The following C4orf50 variants were observed in gnomAD, a reference collection of about 807,000 sequenced individuals.
C4orf50 encodes the protein chromosome 4 open reading frame 50.
A neutral mutation model predicts 77.2 loss-of-function variants in C4orf50; 80 were observed. The observed-to-expected ratio is 1.04, with a 90% CI of 0.87 to 1.25. The LOEUF (loss-of-function observed/expected upper bound fraction) is 1.25. Among genes scored for constraint, C4orf50 ranks in the 50% most tolerant of loss-of-function variants. C4orf50 has a pLI of 0.00. For missense variants in C4orf50, 1,257 were observed against 1,152.9 expected, an observed-to-expected ratio of 1.09 and a Z score of -1.31; for synonymous variants, 532 against 465.3, an observed-to-expected ratio of 1.14 and a Z score of -1.84.
Position 6,018,252 on chromosome 4 carries a change from G to A in C4orf50, c.180C>T (p.Arg60=). ...TGAGCGCACCCATATCCATGTCTGG[G>A]CGGCCAGCTGCTTCTTCCTGAAGAC... The change falls in exon 23 of 34, where the codon CGC becomes CGT. Residue 60 remains arginine, a synonymous_variant. Coordinates refer to ENST00000531445, the Ensembl canonical transcript of C4orf50. This position sits in a 1 kb window ranked among gnomAD's most constrained non-coding sequence, Gnocchi z 5.1. 1 of 399,020 alleles carries A rather than the reference G, an allele frequency of 2.5e-6. No individual in the cohort carries two copies. Among genetic ancestry groups the A allele is most frequent in the Non-Finnish European group, 4.4e-6 (1 of 226,096 alleles). The allele number at this position is 399,020 out of a possible 1,614,324, so 24.7% of individuals were successfully genotyped here.
chr4:6,016,476 G>A (rs1258597110), intron 23 of C4orf50, among the ~76,000 whole-genome samples: 1 of 152,212 alleles, frequency 6.6e-6, no homozygotes, highest in African/African-American at 2.4e-5. Context: ...TTAAACCCAG[G>A]AGGTGGGGTT....
At chr4:5,952,410 G>C (rs1399324217), downstream of C4orf50, among the ~76,000 whole-genome samples, 2 of 152,232 alleles carry the variant, frequency 1.3e-5, no homozygotes, top group Non-Finnish European at 2.9e-5. The surrounding 1 kb of genome is among the most constrained non-coding windows in gnomAD (Gnocchi z 4.4). Context: ...AGGGCTGGCA[G>C]TGGGGACGGC....
exon 28 of C4orf50, chr4:5,988,658 G>T: frequency 6.5e-7 from 1 of 1,536,052 alleles, no homozygotes; most frequent in Non-Finnish European, 8.7e-7. Flanking sequence ...TCTTTGTCTA[G>T]AGCGTGCATC....
At chr4:5,923,367 G>C (rs541073068) in intron 7 of C4orf50, 1 of 154,394 alleles carries the variant, frequency 6.5e-6, no homozygotes, top group African/African-American at 2.4e-5. Flanking sequence ...TGGACCAAGC[G>C]CAGAGCCCAC....
chr4:5,907,107 T>G (rs1427588991), intron 7 of C4orf50, among the ~76,000 whole-genome samples: 1 of 152,192 alleles, frequency 6.6e-6, no homozygotes, highest in Non-Finnish European at 1.5e-5. Context: ...ACTGCTGCAG[T>G]CAGTGATGCT....
At chr4:6,004,229 ATGG>A (rs1722081578) in intron 25 of C4orf50, among the ~76,000 whole-genome samples, 6 of 27,086 alleles carry the variant, frequency 2.2e-4, no homozygotes, top group Admixed American at 4.1e-4. Context: ...TGATGATGTG[ATGG>A]TGATGATGAT....
At chr4:5,940,886 A>G (rs7664218) in intron 7 of C4orf50, among the ~76,000 whole-genome samples, 35,957 of 152,082 alleles carry the variant, frequency 0.24, 5,420 homozygotes, top group African/African-American at 0.43. Context: ...TTGGAGCAGA[A>G]ATGAGCATTC....
At chr4:5,989,282 C>G (rs1433616626) in exon 28 of C4orf50, 1 of 1,536,072 alleles carries the variant, frequency 6.5e-7, no homozygotes, top group Admixed American at 2.0e-5. Flanking sequence ...CTGCTCCTCA[C>G]TCTCTCGAGG....
At chr4:5,967,496 A>T in intron 31 of C4orf50, 34 bp from the exon 10 acceptor site, 1 of 1,595,846 alleles carries the variant, frequency 6.3e-7, no homozygotes, top group Non-Finnish European at 8.6e-7. Context: ...GTTATTCTGC[A>T]TGGCACTGGA....
Position 5,970,407 on chromosome 4 carries a change from G to A in C4orf50, c.4105-2945C>T, listed in dbSNP as rs1040323730. Among the ~76,000 whole-genome samples the A allele has an allele frequency of 3.9e-5, 6 of 152,170 alleles. No individual in the cohort carries two copies. The highest frequency in any genetic ancestry group is 9.7e-5 in the African/African-American group (4 of 41,436). Reference sequence around the variant, plus strand: ...TCTGCCATGCCAGGCTGACCTCGTGGGATTTCCCCATCCCCAAAACAGGCA... The same window carrying A: ...TCTGCCATGCCAGGCTGACCTCGTGAGATTTCCCCATCCCCAAAACAGGCA... On this transcript the variant is annotated intron_variant, in intron 31 of 33. Transcript: ENST00000531445. The surrounding 1 kb of genome is among the most constrained non-coding windows in gnomAD (Gnocchi z 4.3).
At chr4:5,989,427 C>T (rs867288482) in exon 28 of C4orf50, 1 of 1,536,116 alleles carries the variant, frequency 6.5e-7, no homozygotes, top group Non-Finnish European at 8.7e-7. Context: ...CTTCACCACT[C>T]TCTTTAGACT....
In C4orf50 at chr4:5,970,688, C is replaced by T. The variant is rs995395335; in HGVS notation, c.4104+2971G>A. Among the ~76,000 whole-genome samples, 13 of 152,212 alleles carry T rather than the reference C, an allele frequency of 8.5e-5. No homozygotes were observed. Among genetic ancestry groups the T allele is most frequent in the African/African-American group, 1.9e-4 (8 of 41,466 alleles). ...AAATGGAAATACAAAGACTCAGTCACGTGCAGGGAGGGGAGGTGGTCACCG... is the reference window on the plus strand; with the variant it reads ...AAATGGAAATACAAAGACTCAGTCATGTGCAGGGAGGGGAGGTGGTCACCG... On this transcript the variant is annotated intron_variant, in intron 31 of 33. Coordinates refer to ENST00000531445, the Ensembl canonical transcript of C4orf50. This position sits in a 1 kb window ranked among gnomAD's most constrained non-coding sequence, Gnocchi z 4.3.
chr4:6,015,413 C>T lies in C4orf50; in HGVS notation c.287+2732G>A, dbSNP rs1010511055. Among the ~76,000 whole-genome samples, 4 of 151,928 alleles carry T rather than the reference C, an allele frequency of 2.6e-5. No individual in the cohort carries two copies. Among genetic ancestry groups the T allele is most frequent in the African/African-American group, 7.3e-5 (3 of 41,346 alleles). ...AGGCCTCAGGAGAAACCAATCCTGC[C>T]GACCCCCCGAGCTTGGGCTTTTGGG... On this transcript the variant is annotated intron_variant, in intron 23 of 33. Coordinates refer to ENST00000531445, the Ensembl canonical transcript of C4orf50. The surrounding 1 kb of genome is among the most constrained non-coding windows in gnomAD (Gnocchi z 4.4).
At position 5,913,034 on chromosome 4, in the gene C4orf50, C is replaced by T. The variant is rs904223743; in HGVS notation, c.*2475-14846G>A. Among the ~76,000 whole-genome samples, 6 of 152,136 alleles carry T rather than the reference C, an allele frequency of 3.9e-5. No individual in the cohort carries two copies. In the South Asian group the frequency reaches 1.0e-3, roughly 26 times the overall value. Reference sequence around the variant, plus strand: ...GAAATTAGCCAGCCCTGGCAGGGGCCGTATCTCTCTGGCCAACAAGGCCCC... The same window carrying T: ...GAAATTAGCCAGCCCTGGCAGGGGCTGTATCTCTCTGGCCAACAAGGCCCC... On this transcript the variant is annotated intron_variant, in intron 7 of 7. Coordinates refer to the C4orf50 transcript ENST00000324058.
At chr4:5,987,245 T>C (rs891253747) in intron 28 of C4orf50, among the ~76,000 whole-genome samples, 1 of 151,456 alleles carries the variant, frequency 6.6e-6, no homozygotes, top group Admixed American at 6.6e-5. Flanking sequence ...ACCCCGTCTC[T>C]ACTAAAATAC....
intron 7 of C4orf50, among the ~76,000 whole-genome samples, chr4:5,924,031 T>C (rs551299413): frequency 6.6e-6 from 1 of 151,924 alleles, no homozygotes; most frequent in African/African-American, 2.4e-5. Flanking sequence ...TCTTCAGCTT[T>C]TGGACTCTGG....
intron 7 of C4orf50, among the ~76,000 whole-genome samples, chr4:5,947,036 C>T (rs182996290): frequency 4.9e-4 from 74 of 152,352 alleles, no homozygotes; most frequent in Middle Eastern, 3.4e-3. Flanking sequence ...AGGTCACAGG[C>T]TTGGCCTGCA....
At chr4:5,964,128 C>T (rs1246748443) in intron 33 of C4orf50, among the ~76,000 whole-genome samples, 3 of 152,180 alleles carry the variant, frequency 2.0e-5, no homozygotes, top group Non-Finnish European at 4.4e-5. Flanking sequence ...CCAAGAAAAG[C>T]GAGCAGGGCA....
chr4:5,938,553 G>T (rs1356450737), intron 7 of C4orf50, among the ~76,000 whole-genome samples: 2 of 149,950 alleles, frequency 1.3e-5, no homozygotes, highest in African/African-American at 4.9e-5. Flanking sequence ...GGGTGGTTTT[G>T]TAATCAGTTT....
Sources: gnomAD v4.1 joint callset for allele counts (sites outside exome capture counted in the v4.1 genomes callset) on GRCh38, gnomAD v4.1.1 for gene constraint, Gnocchi (gnomAD v3.1) non-coding constraint, MANE v1.5 for transcripts, NCBI Gene and HGNC (gene_info 2026-07-23, HGNC 2026-07-21) for gene names.